Variants in NFKB1 observed in about 807,000 individuals in gnomAD.
NFKB1 encodes nuclear factor NF-kappa-B p105 subunit.
NFKB1 carries 9 observed loss-of-function variants against 105.1 expected under a neutral mutation model. The observed-to-expected ratio is 0.09, with a 90% CI of 0.05 to 0.15. NFKB1 has a LOEUF of 0.15. Ranked by LOEUF, NFKB1 falls within the 10% of genes least tolerant of loss-of-function variation. The pLI, the probability that NFKB1 is intolerant of heterozygous loss-of-function variation, is 1.00. For synonymous variants in NFKB1, 440 were observed against 442.2 expected, an observed-to-expected ratio of 1.00 and a Z score of 0.06; for missense variants, 830 against 1,203.7, an observed-to-expected ratio of 0.69 and a Z score of 4.59.
intron 13 of NFKB1, among the ~76,000 whole-genome samples, 195 bp downstream of exon 13, chr4:102,595,176 ATT>A (rs1278027380): frequency 6.6e-6 from 1 of 152,182 alleles, no homozygotes; most frequent in Non-Finnish European, 1.5e-5. Flanking sequence ...ACTTTTATAT[ATT>A]TTATATATTT....
At chr4:102,589,957 G>A (rs3774959) in intron 11 of NFKB1, among the ~76,000 whole-genome samples, 51,528 of 151,910 alleles carry the variant, frequency 0.34, 9,165 homozygotes, top group Admixed American at 0.44. Context: ...CACAGATAGC[G>A]AGAAACAGAA....
intron 20 of NFKB1, 86 bp downstream of exon 20, chr4:102,610,785 T>G (rs1728335693): frequency 6.7e-7 from 1 of 1,488,424 alleles, no homozygotes; most frequent in South Asian, 1.3e-5. Flanking sequence ...TCCTGGTGCT[T>G]TATTCCCCAA....
intron 16 of NFKB1, among the ~76,000 whole-genome samples, chr4:102,602,223 A>T (rs1267127525): frequency 6.6e-6 from 1 of 151,988 alleles, no homozygotes; most frequent in Non-Finnish European, 1.5e-5. Context: ...TCTTATTTTT[A>T]TTTCCATTCT....
At chr4:102,519,397 A>G (rs1007349419) in intron 1 of NFKB1, among the ~76,000 whole-genome samples, 1 of 148,198 alleles carries the variant, frequency 6.7e-6, no homozygotes, top group African/African-American at 2.4e-5. Flanking sequence ...ATAATATTAT[A>G]AGTATATATA....
At chr4:102,580,441 G>A in intron 8 of NFKB1, 94 bp from the exon 9 acceptor site, 3 of 886,576 alleles carry the variant, frequency 3.4e-6, no homozygotes, top group Non-Finnish European at 1.9e-6. Flanking sequence ...GCTTTGTTTT[G>A]GTCATGTGTG....
intron 8 of NFKB1, among the ~76,000 whole-genome samples, chr4:102,579,573 G>C (rs1363568497): frequency 6.6e-6 from 1 of 150,700 alleles, no homozygotes; most frequent in African/African-American, 2.4e-5. Context: ...ACCTACTTGG[G>C]AGGCTGAGGT....
chr4:102,607,616 C>T (rs1727916286), intron 18 of NFKB1, 33 bp from the exon 19 acceptor site: 1 of 1,603,574 alleles, frequency 6.2e-7, no homozygotes, highest in African/African-American at 1.3e-5. Context: ...AAGAACCTTC[C>T]ACTAACGCTT....
chr4:102,615,711 TTAAAC>T (rs1469881503), intron 23 of NFKB1, among the ~76,000 whole-genome samples: 1 of 152,262 alleles, frequency 6.6e-6, no homozygotes, highest in Admixed American at 6.5e-5. Flanking sequence ...GATTGGTTGA[TTAAAC>T]AAATCAGTCA....
At chr4:102,540,103 A>G (rs973779020) in intron 5 of NFKB1, among the ~76,000 whole-genome samples, 1 of 152,208 alleles carries the variant, frequency 6.6e-6, no homozygotes, top group African/African-American at 2.4e-5. Flanking sequence ...GACACTGACT[A>G]TAATGACTGA....
intron 1 of NFKB1, among the ~76,000 whole-genome samples, chr4:102,509,275 G>A (rs1039488249): frequency 6.6e-6 from 1 of 152,088 alleles, no homozygotes; most frequent in African/African-American, 2.4e-5. Context: ...AATTTAAAAA[G>A]CAATCCTTAG....
intron 5 of NFKB1, among the ~76,000 whole-genome samples, chr4:102,552,053 A>T (rs1722659813): frequency 6.6e-6 from 1 of 152,204 alleles, no homozygotes; most frequent in African/African-American, 2.4e-5. Flanking sequence ...AGGCTGCATT[A>T]ATGGAAACAC....
intron 4 of NFKB1, among the ~76,000 whole-genome samples, chr4:102,536,451 G>A (rs1362798119): frequency 6.6e-6 from 1 of 152,152 alleles, no homozygotes; most frequent in Non-Finnish European, 1.5e-5. Context: ...TGGTAAATGT[G>A]TTTGAGGACT....
intron 3 of NFKB1, among the ~76,000 whole-genome samples, chr4:102,532,837 G>A (rs1218775046): frequency 1.3e-5 from 2 of 152,088 alleles, no homozygotes; most frequent in Non-Finnish European, 2.9e-5. Flanking sequence ...TCAAATAAAT[G>A]AGAACCACCA....
chr4:102,562,370 T>G (rs1723513673), intron 5 of NFKB1, among the ~76,000 whole-genome samples: 1 of 152,200 alleles, frequency 6.6e-6, no homozygotes, highest in South Asian at 2.1e-4. Context: ...ATTTGATTAG[T>G]GTCAGTCCCA....
chr4:102,589,438 T>A (rs779366565), intron 11 of NFKB1, among the ~76,000 whole-genome samples: 2 of 152,060 alleles, frequency 1.3e-5, no homozygotes, highest in South Asian at 4.1e-4. Context: ...CCCCTTCTAG[T>A]GGAAGCATAT....
Position 102,616,540 on chromosome 4 carries a change from C to G in NFKB1, c.2856C>G (p.Leu952=). ...CCAGTGGTGCCTCACTGCTAACTCT[C>G]AACAAAATGCCCCATGATTATGGGC... ...SLTSGASLLT[L]NKMPHDYGQE... Residue 952 remains leucine (L), a synonymous_variant, in exon 24 of 24, where the codon CTC becomes CTG. Coordinates refer to ENST00000226574, the MANE Select transcript of NFKB1 (RefSeq NM_003998.4). 6.2e-7 allele frequency: 1 copy of G among 1,614,112 alleles called. No homozygotes were observed. Among genetic ancestry groups the G allele is most frequent in the Non-Finnish European group, 8.5e-7 (1 of 1,180,024 alleles).
rs374744141 is a variant in NFKB1 at position 102,546,564 on chromosome 4, C to T, written c.258+8608C>T. ...TTAGAAAGTATGAAAACTACTGGGGCGCCGTAAGACAAAAGAAAACTTTGG... is the reference window on the plus strand; with the variant it reads ...TTAGAAAGTATGAAAACTACTGGGGTGCCGTAAGACAAAAGAAAACTTTGG... On this transcript the variant is annotated intron_variant, in intron 5 of 23. Coordinates refer to ENST00000226574, the MANE Select transcript of NFKB1 (RefSeq NM_003998.4). Among the ~76,000 whole-genome samples the T allele has an allele frequency of 5.9e-4, 89 of 152,130 alleles. 2 individuals carry two copies. In the South Asian group the frequency reaches 0.015, roughly 25 times the overall value.
At chr4:102,525,345 T>C (rs560948803) in intron 1 of NFKB1, among the ~76,000 whole-genome samples, 167 bp from the exon 2 acceptor site, 43 of 152,302 alleles carry the variant, frequency 2.8e-4, no homozygotes, top group African/African-American at 8.9e-4. Flanking sequence ...TAGATTTAGA[T>C]ACCAAAGAGG....
At chr4:102,610,836 G>A in intron 20 of NFKB1, 137 bp downstream of exon 20, 5 of 1,144,674 alleles carry the variant, frequency 4.4e-6, no homozygotes, top group Non-Finnish European at 5.9e-6. Flanking sequence ...GTTTGTCAGA[G>A]ACCATTTTTA....
Sources: allele counts gnomAD v4.1 joint callset (sites outside exome capture counted in the v4.1 genomes callset), GRCh38; gene constraint gnomAD v4.1.1; transcripts MANE v1.5; gene names NCBI Gene and HGNC (gene_info 2026-07-23, HGNC 2026-07-21).